INPP4B: variants seen among roughly 807,000 people sequenced by gnomAD.
The protein encoded by INPP4B is inositol polyphosphate 4-phosphatase type II.
In INPP4B, 55 loss-of-function variants were observed where a neutral mutation model predicts 122.5. The observed-to-expected ratio is 0.45, with a 90% CI of 0.36 to 0.56. The LOEUF (loss-of-function observed/expected upper bound fraction) is 0.56. INPP4B is among the 20% of genes least tolerant of loss of function. INPP4B has a pLI of 0.00. For synonymous variants in INPP4B, 403 were observed against 388.7 expected, an observed-to-expected ratio of 1.04 and a Z score of -0.43; for missense variants, 1,000 against 1,097.7, an observed-to-expected ratio of 0.91 and a Z score of 1.26.
At chr4:142,035,367 G>A (rs1743196997) in intron 25 of INPP4B, among the ~76,000 whole-genome samples, 1 of 152,192 alleles carries the variant, frequency 6.6e-6, no homozygotes, top group Admixed American at 6.5e-5. Flanking sequence ...GGTTGGATAG[G>A]ACAGATGCTG....
At chr4:142,113,656 G>A (rs549674421) in intron 21 of INPP4B, among the ~76,000 whole-genome samples, 65 of 151,920 alleles carry the variant, frequency 4.3e-4, no homozygotes, top group South Asian at 8.3e-4. Flanking sequence ...ATGAGTGAGC[G>A]CATTATTTTT....
chr4:142,198,444 T>TA (rs1213866263), intron 14 of INPP4B, among the ~76,000 whole-genome samples: 7 of 151,850 alleles, frequency 4.6e-5, no homozygotes, highest in Admixed American at 4.6e-4. Context: ...TTGTTATAGT[T>TA]TTCATGTGTT....
intron 7 of INPP4B, among the ~76,000 whole-genome samples, chr4:142,398,281 G>A (rs1800056284): frequency 6.8e-6 from 1 of 147,920 alleles, no homozygotes; most frequent in South Asian, 2.2e-4. Flanking sequence ...GGGAGGCTGA[G>A]GCAGGAGAAT....
At chr4:142,107,223 G>C (rs1163598058) in intron 23 of INPP4B, among the ~76,000 whole-genome samples, 2 of 152,004 alleles carry the variant, frequency 1.3e-5, no homozygotes, top group African/African-American at 4.8e-5. Flanking sequence ...CATTCATTAG[G>C]TTATGAAGAC....
At chr4:142,174,962 T>G (rs1197600062) in intron 15 of INPP4B, among the ~76,000 whole-genome samples, 3 of 152,022 alleles carry the variant, frequency 2.0e-5, no homozygotes, top group African/African-American at 7.2e-5. Flanking sequence ...TCAAGCACAT[T>G]ATGGGAGCAG....
intron 23 of INPP4B, among the ~76,000 whole-genome samples, chr4:142,101,990 T>C (rs1434880914): frequency 6.6e-6 from 1 of 152,050 alleles, no homozygotes; most frequent in Non-Finnish European, 1.5e-5. Context: ...TATTCCACAT[T>C]GTACTTAGAG....
At chr4:142,480,162 T>G (rs934234528) in intron 2 of INPP4B, among the ~76,000 whole-genome samples, 3 of 152,236 alleles carry the variant, frequency 2.0e-5, no homozygotes, top group South Asian at 4.1e-4. Flanking sequence ...CCTATACTTA[T>G]ACTAATTGGA....
At chr4:142,207,220 G>T (rs1842924567) in intron 14 of INPP4B, among the ~76,000 whole-genome samples, 1 of 152,000 alleles carries the variant, frequency 6.6e-6, no homozygotes, top group Non-Finnish European at 1.5e-5. Context: ...CTCTGTCTTG[G>T]CTACGGTGAA....
chr4:142,785,048 A>C (rs1407575638), intron 1 of INPP4B, among the ~76,000 whole-genome samples: 3 of 152,198 alleles, frequency 2.0e-5, no homozygotes, highest in Non-Finnish European at 2.9e-5. Flanking sequence ...GCTCCAGCAT[A>C]GTAACAGTGA....
chr4:142,057,281 C>T (rs1758198872), intron 25 of INPP4B, among the ~76,000 whole-genome samples: 1 of 151,992 alleles, frequency 6.6e-6, no homozygotes, highest in Non-Finnish European at 1.5e-5. Context: ...TTCCTTTCTG[C>T]AGTATTTTAT....
intron 8 of INPP4B, among the ~76,000 whole-genome samples, chr4:142,310,141 A>G (rs1158289715): frequency 1.3e-5 from 2 of 150,190 alleles, no homozygotes; most frequent in Non-Finnish European, 3.0e-5. Flanking sequence ...TTTTTTTTAT[A>G]TTACAATTTG....
At chr4:142,290,315 T>C (rs1370056718) in intron 9 of INPP4B, among the ~76,000 whole-genome samples, 1 of 145,072 alleles carries the variant, frequency 6.9e-6, no homozygotes, top group Non-Finnish European at 1.5e-5. Context: ...CAAGCGATTC[T>C]CCTGCCTCAG....
At chr4:142,554,535 G>A (rs949369152) in intron 2 of INPP4B, among the ~76,000 whole-genome samples, 1 of 152,122 alleles carries the variant, frequency 6.6e-6, no homozygotes, top group African/African-American at 2.4e-5. Flanking sequence ...TGAAAGGCAA[G>A]CTTAACTACT....
chr4:142,336,308 G>A (rs192077410), intron 7 of INPP4B, among the ~76,000 whole-genome samples: 1 of 152,178 alleles, frequency 6.6e-6, no homozygotes, highest in South Asian at 2.1e-4. Flanking sequence ...GAGGGGTAGT[G>A]GGGGAGAAAA....
At chr4:142,567,779 T>C (rs895052181) in intron 2 of INPP4B, among the ~76,000 whole-genome samples, 1 of 152,124 alleles carries the variant, frequency 6.6e-6, no homozygotes, top group African/African-American at 2.4e-5. Flanking sequence ...TGTGAGTTCA[T>C]TACATACTGT....
At chr4:142,115,184 A>T (rs1792447948) in intron 21 of INPP4B, among the ~76,000 whole-genome samples, 1 of 152,164 alleles carries the variant, frequency 6.6e-6, no homozygotes, top group Non-Finnish European at 1.5e-5. Context: ...TCTACATCTG[A>T]TTGGTTTACC....
chr4:142,502,473 T>C (rs1402287979), intron 2 of INPP4B, among the ~76,000 whole-genome samples: 2 of 152,142 alleles, frequency 1.3e-5, no homozygotes, highest in Non-Finnish European at 2.9e-5. Flanking sequence ...TTTTCCTGAA[T>C]TTACCTCTGC....
intron 1 of INPP4B, among the ~76,000 whole-genome samples, chr4:142,820,090 A>G (rs955881208): frequency 1.3e-5 from 2 of 152,126 alleles, no homozygotes; most frequent in African/African-American, 2.4e-5. Context: ...GTGTACCTCC[A>G]GGTTAGGCTA....
intron 16 of INPP4B, among the ~76,000 whole-genome samples, chr4:142,168,753 A>G (rs1561357391): frequency 6.6e-6 from 1 of 151,524 alleles, no homozygotes; most frequent in Non-Finnish European, 1.5e-5. Flanking sequence ...GGTACTCATA[A>G]AGAGTTAAAG....
Sources: gnomAD v4.1 joint callset for allele counts (sites outside exome capture counted in the v4.1 genomes callset) on GRCh38, gnomAD v4.1.1 for gene constraint, MANE v1.5 for transcripts, NCBI Gene and HGNC (gene_info 2026-07-23, HGNC 2026-07-21) for gene names.